SMC2: variants seen among roughly 807,000 people sequenced by gnomAD.
SMC2 encodes the protein structural maintenance of chromosomes protein 2.
SMC2 carries 41 observed loss-of-function variants against 142.6 expected under a neutral mutation model. The ratio of observed to expected loss-of-function variants is 0.29; its 90% confidence interval spans 0.22 to 0.37. The LOEUF is 0.37. Among genes scored for constraint, SMC2 ranks in the 10% least tolerant of loss-of-function variants. The pLI, the probability that SMC2 is intolerant of heterozygous loss-of-function variation, is 1.00. For missense variants in SMC2, 1,265 were observed against 1,373.7 expected (o/e 0.92, Z 1.25); for synonymous variants, 463 against 457.5 (o/e 1.01, Z -0.15).
chr9:104,134,960 A>G (rs183432041), intron 23 of SMC2, among the ~76,000 whole-genome samples: 1 of 152,206 alleles, frequency 6.6e-6, no homozygotes, highest in Admixed American at 6.5e-5. Context: ...AATTTTGCAA[A>G]GCCCTAGAGT....
At chr9:104,135,737 G>A (rs1340312587) in intron 23 of SMC2, 2 of 436,788 alleles carry the variant, frequency 4.6e-6, no homozygotes, top group Non-Finnish European at 8.9e-6. Flanking sequence ...AATGACTTTA[G>A]ACTTCTTGTT....
upstream of SMC2, among the ~76,000 whole-genome samples, chr9:104,093,510 T>G (rs990465107): frequency 1.3e-5 from 2 of 152,180 alleles, no homozygotes; most frequent in South Asian, 4.1e-4. Context: ...CTACGTGGAT[T>G]TTAAAAAGCC....
chr9:104,098,651 A>C (rs566131393), intron 4 of SMC2, 83 bp downstream of exon 4: 1 of 1,345,988 alleles, frequency 7.4e-7, no homozygotes, highest in South Asian at 1.3e-5. Flanking sequence ...GAAGTACTTT[A>C]TGTTTTGGAT....
chr9:104,114,397 T>A (rs1056486949), intron 12 of SMC2, among the ~76,000 whole-genome samples: 2 of 152,184 alleles, frequency 1.3e-5, no homozygotes, highest in Non-Finnish European at 2.9e-5. Context: ...TATAATTTGT[T>A]TTGCTATGTG....
chr9:104,136,348 T>G (rs1466925989), intron 23 of SMC2, among the ~76,000 whole-genome samples: 1 of 152,024 alleles, frequency 6.6e-6, no homozygotes, highest in Non-Finnish European at 1.5e-5. Flanking sequence ...TTTTATAAAA[T>G]TTGTAAATAA....
chr9:104,136,562 A>T lies in SMC2; in HGVS notation c.3270-1456A>T, dbSNP rs569148125. ...TTATTTTTAGATATACCACTATCCA[A>T]CATGGTAGTTAAACCCTTCAGCACA... is the stretch of plus-strand genomic sequence containing the variant. On this transcript the variant is annotated intron_variant, in intron 23 of 24. Coordinates refer to ENST00000374793, the MANE Select transcript of SMC2 (RefSeq NM_006444.3). Among the ~76,000 whole-genome samples, 163 of 152,174 alleles carry T rather than the reference A, an allele frequency of 1.1e-3. 4 individuals carry two copies. The highest frequency in any genetic ancestry group is 0.01 in the Middle Eastern group (3 of 294).
chr9:104,109,895 A>T (rs1379679671), intron 9 of SMC2, among the ~76,000 whole-genome samples: 1 of 152,216 alleles, frequency 6.6e-6, no homozygotes, highest in Non-Finnish European at 1.5e-5. Context: ...ACTTGGCATT[A>T]TTCATAGTTG....
At chr9:104,093,044 C>G (rs1271387709), upstream of SMC2, 2 of 152,202 alleles carry the variant, frequency 1.3e-5, no homozygotes, top group African/African-American at 2.4e-5. Flanking sequence ...CCTCCCTAGA[C>G]ACACCTTATT....
chr9:104,139,348 T>G lies in SMC2; in HGVS notation c.*33T>G. The G allele has an allele frequency of 6.5e-7, 1 of 1,530,704 alleles. No homozygotes were observed. The highest frequency in any genetic ancestry group is 2.4e-5 in the East Asian group (1 of 41,898). 94.8% of individuals were successfully genotyped at this position (1,530,704 alleles called of 1,614,324 possible). A position where few individuals can be genotyped will look rare whatever the true frequency, so the allele number is the denominator to read the frequency against. On this transcript the variant is annotated 3_prime_UTR_variant, in exon 25 of 25. Coordinates refer to ENST00000374793, the MANE Select transcript of SMC2 (RefSeq NM_006444.3). ...AGTTATTTCTTCATCTTGACCTGTTTTTTTAAATGTAAACTTTTAAGGACT... is the reference window on the plus strand; with the variant it reads ...AGTTATTTCTTCATCTTGACCTGTTGTTTTAAATGTAAACTTTTAAGGACT...
At chr9:104,138,911 C>A (rs1696760219) in intron 24 of SMC2, among the ~76,000 whole-genome samples, 1 of 152,002 alleles carries the variant, frequency 6.6e-6, no homozygotes, top group Non-Finnish European at 1.5e-5. Context: ...CAAAAGATAG[C>A]AACAAGCAGT....
the SMC2 span, among the ~76,000 whole-genome samples, chr9:104,088,964 A>G: frequency 7.0e-6 from 1 of 142,072 alleles, no homozygotes; most frequent in Non-Finnish European, 1.5e-5. Context: ...TGGTTGTTGC[A>G]TAAGTTCACA....
At chr9:104,103,297 C>T (rs1831371631) in intron 9 of SMC2, among the ~76,000 whole-genome samples, 1 of 151,964 alleles carries the variant, frequency 6.6e-6, no homozygotes, top group South Asian at 2.1e-4. Context: ...AGATTGTGTT[C>T]ATACTCTCAC....
intron 10 of SMC2, 62 bp from the exon 11 acceptor site, chr9:104,113,254 A>G (rs1391205980): frequency 1.6e-6 from 2 of 1,286,722 alleles, no homozygotes; most frequent in Non-Finnish European, 2.1e-6. Context: ...ATCTTCGGCC[A>G]TTTAATTACT....
At position 104,114,695 on chromosome 9, in the gene SMC2, C is replaced by G. The variant is rs1343024569; in HGVS notation, c.1537C>G (p.Pro513Ala). The G allele has an allele frequency of 1.2e-6, 2 of 1,609,098 alleles. No homozygotes were observed. The highest frequency in any genetic ancestry group is 1.7e-5 in the Admixed American group (1 of 59,258). ...TTGTCAACTTTTGTATTTCAGGGAT[C>G]CAGAGAAGAACTGGAATAGAAATTG... ...FPNLRFAYKD[P>A]EKNWNRNCVK... The change falls in exon 13 of 25, where the codon CCA (proline) becomes GCA (alanine). Residue 513 changes from proline (P) to alanine (A), a missense_variant. Transcript: ENST00000374793.
chr9:104,100,498 A>G (rs1830986928), intron 7 of SMC2, 65 bp downstream of exon 7: 1 of 1,015,024 alleles, frequency 9.9e-7, no homozygotes, highest in African/African-American at 1.7e-5. Flanking sequence ...TGTATCCAAA[A>G]TCATACACAT....
chr9:104,140,477 T>A lies in SMC2; in HGVS notation c.*1162T>A, dbSNP rs1835970890. On this transcript the variant is annotated 3_prime_UTR_variant, in exon 25 of 25. Transcript: ENST00000374793. The stretch of plus-strand genomic sequence containing the variant: ...TTTTGGCCCCACATCTCTTCTTGAT[T>A]TTTTAGTCTTATTTCCTTAGTGTTA... 2 of 152,402 alleles carry A rather than the reference T, an allele frequency of 1.3e-5. No homozygotes were observed. The highest frequency in any genetic ancestry group is 2.9e-5 in the Non-Finnish European group (2 of 68,012). The allele number at this position is 152,402 out of a possible 1,614,324, so 9.4% of individuals were successfully genotyped here. A position where few individuals can be genotyped will look rare whatever the true frequency, so the allele number is the denominator to read the frequency against.
intron 22 of SMC2, among the ~76,000 whole-genome samples, chr9:104,133,415 C>G (rs1835199113): frequency 1.3e-5 from 2 of 152,198 alleles, no homozygotes; most frequent in Middle Eastern, 3.4e-3. Context: ...ATGTGTGTTA[C>G]TTAGTAAATC....
chr9:104,134,448 C>T lies in SMC2; in HGVS notation c.3142C>T (p.Leu1048Phe). Residue 1048 changes from leucine (L) to phenylalanine (F), a missense_variant, in exon 23 of 25, where the codon CTT becomes TTT. By Grantham distance (22) the Leu-to-Phe change is conservative. Around this residue, in one of 4 missense-constraint regions of SMC2, gnomAD observed 192 missense variants for 261.9 expected, o/e 0.73. Coordinates refer to ENST00000374793, the MANE Select transcript of SMC2 (RefSeq NM_006444.3). ...GGACTTTGGGTCTATTTTTTCTACT[C>T]TTTTGCCTGGTGCTAATGCTATGCT... The part of the protein sequence containing the change: ...NKDFGSIFST[L>F]LPGANAMLAP... 1 of 1,606,138 alleles carries T rather than the reference C, an allele frequency of 6.2e-7. No homozygotes were observed. Among genetic ancestry groups the T allele is most frequent in the South Asian group, 1.1e-5 (1 of 89,464 alleles).
At chr9:104,136,154 T>G (rs1400623046) in intron 23 of SMC2, 1 of 303,054 alleles carries the variant, frequency 3.3e-6, no homozygotes, top group East Asian at 7.9e-5. Context: ...AATTCGTGAT[T>G]CATTTAGTAA....
Sources: gnomAD v4.1 joint callset for allele counts (sites outside exome capture counted in the v4.1 genomes callset) on GRCh38, gnomAD v4.1.1 for gene constraint, gnomAD v4.1.1 regional missense constraint, MANE v1.5 for transcripts, NCBI Gene and HGNC (gene_info 2026-07-23, HGNC 2026-07-21) for gene names.